The following ADAM23 variants were observed in gnomAD, a reference collection of about 807,000 sequenced individuals.
ADAM23 encodes disintegrin and metalloproteinase domain-containing protein 23.
A neutral mutation model predicts 120.1 loss-of-function variants in ADAM23; 33 were observed. The ratio of observed to expected loss-of-function variants is 0.27; its 90% confidence interval spans 0.21 to 0.37. The LOEUF is 0.37. Ranked by LOEUF, ADAM23 falls within the 10% of genes least tolerant of loss-of-function variation. The probability of loss-of-function intolerance (pLI) is 1.00; values close to 1 mark genes in which losing one functional copy is unlikely to be tolerated. For missense variants in ADAM23, 862 were observed against 1,058.2 expected (o/e 0.81, Z 2.57); for synonymous variants, 367 against 375.2 (o/e 0.98, Z 0.25).
intron 15 of ADAM23, among the ~76,000 whole-genome samples, chr2:206,569,393 T>C (rs550593351): frequency 2.8e-4 from 42 of 152,348 alleles, no homozygotes; most frequent in African/African-American, 9.6e-4. Context: ...AATAAACAAC[T>C]ATGGATGCCA....
chr2:206,557,039 A>T (rs1396930163), intron 9 of ADAM23, among the ~76,000 whole-genome samples: 1 of 152,162 alleles, frequency 6.6e-6, no homozygotes, highest in Non-Finnish European at 1.5e-5. Flanking sequence ...AGCTTCTCAT[A>T]TCGATTTCTA....
At chr2:206,479,667 GA>G (rs1036763989) in intron 2 of ADAM23, among the ~76,000 whole-genome samples, 1 of 152,072 alleles carries the variant, frequency 6.6e-6, no homozygotes, top group Admixed American at 6.6e-5. Flanking sequence ...ACACTTGACA[GA>G]AGTTTCTCTC....
In ADAM23 at chr2:206,581,911, C is replaced by G. The variant is rs900679346; in HGVS notation, c.1738-5414C>G. 2.6e-5 allele frequency among the ~76,000 whole-genome samples: 4 copies of G among 151,984 alleles called. No homozygotes were observed. The East Asian group carries it at 7.7e-4, about 29-fold the overall frequency. ...TTTTTTTTTGAGATGGAGTTTCGCTCTTGTTGCCCAGGCTGGAGTGCAGTG... is the reference window on the plus strand; with the variant it reads ...TTTTTTTTTGAGATGGAGTTTCGCTGTTGTTGCCCAGGCTGGAGTGCAGTG... On this transcript the variant is annotated intron_variant, in intron 18 of 25. Coordinates refer to ENST00000264377, the MANE Select transcript of ADAM23 (RefSeq NM_003812.4).
At chr2:206,616,277 T>G (rs1017862056) in intron 25 of ADAM23, among the ~76,000 whole-genome samples, 4 of 152,198 alleles carry the variant, frequency 2.6e-5, no homozygotes, top group Non-Finnish European at 4.4e-5. Flanking sequence ...GCATCAGCAG[T>G]GCCCGCTTTC....
chr2:206,608,185 A>G lies in ADAM23; in HGVS notation c.2360-1725A>G, dbSNP rs775852295. On this transcript the variant is annotated intron_variant, in intron 24 of 25. Coordinates refer to ENST00000264377, the MANE Select transcript of ADAM23 (RefSeq NM_003812.4). ...TCAGCCTACAGGGTTGTCTGTAACAACTTCTCAACAATGCTGTCTTAGCAT... is the reference window on the plus strand; with the variant it reads ...TCAGCCTACAGGGTTGTCTGTAACAGCTTCTCAACAATGCTGTCTTAGCAT... Among the ~76,000 whole-genome samples the G allele has an allele frequency of 2.6e-5, 4 of 152,240 alleles. No homozygotes were observed. The South Asian group carries it at 6.2e-4, about 24-fold the overall frequency.
rs13393403 is a variant in ADAM23 at position 206,576,322 on chromosome 2, A to G, written c.1737+3127A>G. The stretch of plus-strand genomic sequence containing the variant: ...TTAGAGGTATAGTTTTTTCATTTCA[A>G]TCTTTAACTCTTTAAGTGCCATAGA... On this transcript the variant is annotated intron_variant, in intron 18 of 25. Coordinates refer to ENST00000264377, the MANE Select transcript of ADAM23 (RefSeq NM_003812.4). 6.1e-3 allele frequency among the ~76,000 whole-genome samples: 928 copies of G among 152,104 alleles called. 12 individuals carry two copies. Among genetic ancestry groups the G allele is most frequent in the African/African-American group, 0.021 (892 of 41,536 alleles).
intron 3 of ADAM23, among the ~76,000 whole-genome samples, chr2:206,518,754 G>T (rs192634205): frequency 1.3e-5 from 2 of 152,218 alleles, no homozygotes; most frequent in Admixed American, 1.3e-4. Flanking sequence ...TTTTGTTGAG[G>T]TACATAGAAA....
chr2:206,582,173 C>T (rs959142056), intron 18 of ADAM23, among the ~76,000 whole-genome samples: 8 of 152,202 alleles, frequency 5.3e-5, no homozygotes, highest in East Asian at 1.9e-4. Flanking sequence ...CCACCACGCC[C>T]GGCCAACATT....
At chr2:206,476,478 C>T (rs960741617) in intron 2 of ADAM23, among the ~76,000 whole-genome samples, 1 of 152,110 alleles carries the variant, frequency 6.6e-6, no homozygotes, top group Non-Finnish European at 1.5e-5. Flanking sequence ...CACCTCCTGT[C>T]AGATCAGCAG....
At chr2:206,444,396 C>G (rs754433171) in intron 1 of ADAM23, among the ~76,000 whole-genome samples, 18 of 152,114 alleles carry the variant, frequency 1.2e-4, no homozygotes, top group Non-Finnish European at 2.4e-4. Context: ...GGAAATACAG[C>G]GAGGGAGCAA....
chr2:206,599,160 G>A (rs1308622171), intron 24 of ADAM23, among the ~76,000 whole-genome samples: 4 of 150,344 alleles, frequency 2.7e-5, no homozygotes, highest in South Asian at 2.1e-4. Flanking sequence ...AGCCGAGATC[G>A]TGCCATTGTA....
chr2:206,566,000 G>A (rs953220673), intron 14 of ADAM23, among the ~76,000 whole-genome samples: 5 of 152,118 alleles, frequency 3.3e-5, no homozygotes, highest in African/African-American at 7.2e-5. Context: ...AGTTTAAAAC[G>A]TGAAACCCTT....
intron 2 of ADAM23, among the ~76,000 whole-genome samples, chr2:206,459,806 A>G (rs1695377365): frequency 6.6e-6 from 1 of 152,180 alleles, no homozygotes; most frequent in Admixed American, 6.5e-5. Flanking sequence ...GCTTAGGCCA[A>G]AAACCTTTTG....
At chr2:206,542,532 C>T (rs768251404) in intron 5 of ADAM23, among the ~76,000 whole-genome samples, 2 of 152,038 alleles carry the variant, frequency 1.3e-5, no homozygotes, top group African/African-American at 4.8e-5. Flanking sequence ...TGGAGTTAGC[C>T]AGGCAAGGGT....
At chr2:206,557,346 A>G in intron 9 of ADAM23, 81 bp from the exon 10 acceptor site, 1 of 1,083,054 alleles carries the variant, frequency 9.2e-7, no homozygotes, top group Non-Finnish European at 1.4e-6. Flanking sequence ...ACTATTACTG[A>G]GATATTTCTG....
At chr2:206,561,361 T>C in intron 12 of ADAM23, 149 bp downstream of exon 12, 1 of 685,376 alleles carries the variant, frequency 1.5e-6, no homozygotes, top group Non-Finnish European at 2.5e-6. Flanking sequence ...GAACCCAACG[T>C]GGTCCTTTTG....
intron 17 of ADAM23, among the ~76,000 whole-genome samples, chr2:206,572,547 T>G (rs901035117): frequency 2.6e-5 from 4 of 152,166 alleles, no homozygotes; most frequent in African/African-American, 9.7e-5. Flanking sequence ...CCAACCAGAT[T>G]ATAAATTGCT....
At chr2:206,588,002 C>T in intron 19 of ADAM23, 89 bp from the exon 20 acceptor site, 1 of 1,374,728 alleles carries the variant, frequency 7.3e-7, no homozygotes, top group Non-Finnish European at 1.0e-6. Context: ...AAAACTTTAT[C>T]CAAGTGAACC....
intron 18 of ADAM23, among the ~76,000 whole-genome samples, chr2:206,584,006 C>A (rs1048969625): frequency 3.3e-5 from 5 of 152,066 alleles, no homozygotes; most frequent in Non-Finnish European, 7.4e-5. Flanking sequence ...GAGGGAAGGT[C>A]TAGGGGTGAA....
Sources: gnomAD v4.1 joint callset for allele counts (sites outside exome capture counted in the v4.1 genomes callset) on GRCh38, gnomAD v4.1.1 for gene constraint, MANE v1.5 for transcripts, NCBI Gene and HGNC (gene_info 2026-07-23, HGNC 2026-07-21) for gene names.